ARMC2: variants seen among roughly 807,000 people sequenced by gnomAD.
ARMC2 encodes armadillo repeat-containing protein 2.
A neutral mutation model predicts 90.3 loss-of-function variants in ARMC2; 67 were observed. The ratio of observed to expected loss-of-function variants is 0.74; its 90% confidence interval spans 0.61 to 0.91. ARMC2 has a LOEUF of 0.91. Ranked by LOEUF, ARMC2 falls within the 40% of genes least tolerant of loss-of-function variation. ARMC2 has a pLI of 0.00. For synonymous variants in ARMC2, 393 were observed against 393.0 expected (o/e 1.00, Z 0.00); for missense variants, 920 against 1,030.9 (o/e 0.89, Z 1.47).
At position 108,950,221 on chromosome 6, in the gene ARMC2, A is replaced by G. The variant is rs192660619; in HGVS notation, c.1597-2812A>G. Reference sequence around the variant, plus strand: ...ACTCTGTCTCAAAAACAAAAACAAAAAAAACAAACAAACTTAGAACCATTT... The same window carrying G: ...ACTCTGTCTCAAAAACAAAAACAAAGAAAACAAACAAACTTAGAACCATTT... On this transcript the variant is annotated intron_variant, in intron 12 of 17. Transcript: ENST00000392644. 3.3e-5 allele frequency among the ~76,000 whole-genome samples: 5 copies of G among 152,320 alleles called. No individual in the cohort carries two copies. The East Asian group carries it at 9.6e-4, about 29-fold the overall frequency.
chr6:108,941,203 C>A (rs1420482091), intron 12 of ARMC2, among the ~76,000 whole-genome samples: 1 of 152,192 alleles, frequency 6.6e-6, no homozygotes, highest in African/African-American at 2.4e-5. Context: ...TCTGTGACTT[C>A]TCCTCTTCAA....
At chr6:108,917,337 A>AT (rs2128476838) in intron 10 of ARMC2, among the ~76,000 whole-genome samples, 1 of 151,996 alleles carries the variant, frequency 6.6e-6, no homozygotes, top group African/African-American at 2.4e-5. Context: ...GCTCAGTACC[A>AT]TACCACTGTC....
chr6:109,041,660 C>A, the ARMC2 span, among the ~76,000 whole-genome samples: 1 of 150,884 alleles, frequency 6.6e-6, no homozygotes, highest in African/African-American at 2.4e-5. Flanking sequence ...ATAGCAATAC[C>A]CAAATGTACA....
chr6:108,910,986 A>C lies in ARMC2; in HGVS notation c.1111A>C (p.Asn371His), dbSNP rs542789306. 3 of 1,579,344 alleles carry C rather than the reference A, an allele frequency of 1.9e-6. No individual in the cohort carries two copies. The East Asian group carries it at 6.8e-5, about 36-fold the overall frequency. The change falls in exon 9 of 18, where the codon AAT (asparagine) becomes CAT (histidine). Residue 371 changes from asparagine (N) to histidine (H), a missense_variant. Transcript: ENST00000392644. ...RNEKNDSLIQ[N>H]DSILESLLEV... is the part of the protein sequence containing the mutation. ...TGAGAAGAATGATTCTTTGATTCAA[A>C]ATGACAGCATTCTGGGTGAGTGTCA...
At chr6:108,975,241 T>C (rs534657604), downstream of ARMC2, among the ~76,000 whole-genome samples, 39 of 152,110 alleles carry the variant, frequency 2.6e-4, no homozygotes, top group Middle Eastern at 3.4e-3. Context: ...CACTTATGAA[T>C]GAGAACATGT....
intron 5 of ARMC2, among the ~76,000 whole-genome samples, chr6:108,881,330 C>T (rs1403691361): frequency 1.4e-5 from 2 of 142,660 alleles, no homozygotes; most frequent in African/African-American, 5.2e-5. Flanking sequence ...TCCTTCCTTC[C>T]TTCCTTCCAA....
At chr6:109,018,630 T>G in the ARMC2 span, among the ~76,000 whole-genome samples, 4 of 152,230 alleles carry the variant, frequency 2.6e-5, no homozygotes, top group Non-Finnish European at 5.9e-5. Context: ...TACATTTTGG[T>G]GCTTATTGTT....
At chr6:109,009,581 C>A in the ARMC2 span, 1 of 1,085,208 alleles carries the variant, frequency 9.2e-7, no homozygotes. Flanking sequence ...CGCCGACAAA[C>A]AAGCCGCGCG....
At chr6:108,870,925 A>G (rs1458335379) in intron 4 of ARMC2, among the ~76,000 whole-genome samples, 4 of 152,166 alleles carry the variant, frequency 2.6e-5, no homozygotes, top group African/African-American at 9.7e-5. Context: ...GTGCTGATGA[A>G]TGCTCTGAAG....
intron 3 of ARMC2, 71 bp downstream of exon 3, chr6:108,858,342 A>G: frequency 8.9e-7 from 1 of 1,128,662 alleles, no homozygotes; most frequent in Non-Finnish European, 1.3e-6. Context: ...AACACTTGGA[A>G]TCAGTACTTA....
the ARMC2 span, among the ~76,000 whole-genome samples, chr6:108,986,205 C>T: frequency 9.9e-5 from 15 of 152,134 alleles, no homozygotes; most frequent in Non-Finnish European, 1.6e-4. Context: ...TATTGGAACT[C>T]TAAAACAGTT....
the ARMC2 span, among the ~76,000 whole-genome samples, chr6:109,037,319 G>C: frequency 6.6e-6 from 1 of 152,088 alleles, no homozygotes; most frequent in African/African-American, 2.4e-5. Context: ...GGAATTTAGG[G>C]CACAGAAAAG....
At chr6:108,901,327 G>A (rs1428414054) in intron 7 of ARMC2, among the ~76,000 whole-genome samples, 3 of 151,720 alleles carry the variant, frequency 2.0e-5, no homozygotes, top group South Asian at 4.2e-4. Flanking sequence ...ATATTGGCCA[G>A]GCTGGTCTCA....
At chr6:108,920,100 A>G (rs1275438440) in intron 10 of ARMC2, among the ~76,000 whole-genome samples, 1 of 152,132 alleles carries the variant, frequency 6.6e-6, no homozygotes, top group East Asian at 1.9e-4. Context: ...TGCTTAGCAT[A>G]TTGTTTTTGA....
chr6:108,936,902 A>C lies in ARMC2; in HGVS notation c.1499A>C (p.Lys500Thr), dbSNP rs772288939. The change falls in exon 12 of 18, where the codon AAA becomes ACA. Residue 500 changes from lysine (K) to threonine (T), a missense_variant and splice_region_variant. Transcript: ENST00000392644. ...TTTCCCATTTGGCATTTCTGCAGCA[A>C]ACTTACTTCTTACCGTGACTGCTGC... The part of the protein sequence containing the change: ...VCTNIARIFS[K>T]LTSYRDCCTA... 9 of 1,591,210 alleles carry C rather than the reference A, an allele frequency of 5.7e-6. No homozygotes were observed. Among genetic ancestry groups the C allele is most frequent in the Non-Finnish European group, 6.9e-6 (8 of 1,167,732 alleles).
chr6:109,002,870 G>A, the ARMC2 span, among the ~76,000 whole-genome samples: 1 of 152,124 alleles, frequency 6.6e-6, no homozygotes, highest in Non-Finnish European at 1.5e-5. Context: ...TACAGGGCAT[G>A]TTTTCTCTGC....
At chr6:108,880,613 T>C (rs1777430990) in intron 5 of ARMC2, among the ~76,000 whole-genome samples, 2 of 152,214 alleles carry the variant, frequency 1.3e-5, no homozygotes, top group Admixed American at 6.5e-5. Context: ...TAGATCCAGC[T>C]GTGCCTGAAG....
At chr6:108,920,333 G>A (rs1774430491) in intron 10 of ARMC2, among the ~76,000 whole-genome samples, 1 of 152,092 alleles carries the variant, frequency 6.6e-6, no homozygotes, top group South Asian at 2.1e-4. Flanking sequence ...GGGATTACAG[G>A]CACGTGCCGC....
chr6:109,000,204 TATG>T, the ARMC2 span: 1 of 219,050 alleles, frequency 4.6e-6, no homozygotes, highest in Non-Finnish European at 8.9e-6. Flanking sequence ...AACTATTCCA[TATG>T]ATATTGTAAT....
Sources: gnomAD v4.1 joint callset for allele counts (sites outside exome capture counted in the v4.1 genomes callset) on GRCh38, gnomAD v4.1.1 for gene constraint, MANE v1.5 for transcripts, NCBI Gene and HGNC (gene_info 2026-07-23, HGNC 2026-07-21) for gene names.